The following TMEM87A variants were observed in gnomAD, a reference collection of about 807,000 sequenced individuals.
TMEM87A encodes transmembrane protein 87A.
Under a neutral mutation model 90.0 loss-of-function variants are expected in TMEM87A, and 50 were observed. That is an observed-to-expected ratio of 0.56 (90% confidence interval 0.44 to 0.70). The LOEUF (loss-of-function observed/expected upper bound fraction) is 0.70. Among genes scored for constraint, TMEM87A ranks in the 30% least tolerant of loss-of-function variants. TMEM87A has a pLI of 0.00. For synonymous variants in TMEM87A, 226 were observed against 226.7 expected (o/e 1.00, Z 0.03); for missense variants, 577 against 660.5 (o/e 0.87, Z 1.39).
intron 19 of TMEM87A, 25 bp downstream of exon 19, chr15:42,217,778 T>G: frequency 6.2e-7 from 1 of 1,610,156 alleles, no homozygotes; most frequent in South Asian, 1.1e-5. Flanking sequence ...TATACATAAT[T>G]TATGCACGTG....
intron 15 of TMEM87A, among the ~76,000 whole-genome samples, chr15:42,220,828 G>A (rs1483259967): frequency 6.6e-6 from 1 of 151,996 alleles, no homozygotes; most frequent in East Asian, 1.9e-4. Context: ...GTCTCGCTCT[G>A]TCGCCCAGGC....
intron 6 of TMEM87A, among the ~76,000 whole-genome samples, chr15:42,250,474 A>G (rs752096026): frequency 6.6e-6 from 1 of 152,160 alleles, no homozygotes; most frequent in Non-Finnish European, 1.5e-5. Flanking sequence ...GGTGACAAAA[A>G]TCTCTCAGCA....
intron 13 of TMEM87A, 84 bp downstream of exon 13, chr15:42,228,628 A>G: frequency 8.9e-7 from 1 of 1,119,726 alleles, no homozygotes; most frequent in Non-Finnish European, 1.3e-6. Flanking sequence ...AAAACTTTCT[A>G]TGTCCACCCA....
intron 4 of TMEM87A, among the ~76,000 whole-genome samples, 170 bp downstream of exon 4, chr15:42,263,920 C>A (rs1465067154): frequency 6.6e-6 from 1 of 152,168 alleles, no homozygotes; most frequent in African/African-American, 2.4e-5. Flanking sequence ...CAAAGTACAA[C>A]CTCTCTTTGA....
At position 42,218,341 on chromosome 15, in the gene TMEM87A, G is replaced by A. The variant is rs760936541; in HGVS notation, c.1577C>T (p.Pro526Leu). Residue 526 changes from proline to leucine, a missense_variant, in exon 18 of 20, where the codon CCT becomes CTT. By Grantham distance (98) the Pro-to-Leu change is moderately conservative (BLOSUM62 -3). Coordinates refer to ENST00000389834, the MANE Select transcript of TMEM87A (RefSeq NM_015497.5). ...DDLKWVEENV[P>L]SSVTDVALPA... ...AACTTACACATCTGTCACAGAAGAAGGAACATTCTCTTCTACCCACTTCAA... is the reference window on the plus strand; with the variant it reads ...AACTTACACATCTGTCACAGAAGAAAGAACATTCTCTTCTACCCACTTCAA... 1 of 1,613,754 alleles carries A rather than the reference G, an allele frequency of 6.2e-7. No individual in the cohort carries two copies. The highest frequency in any genetic ancestry group is 2.2e-5 in the East Asian group (1 of 44,808).
At chr15:42,240,177 A>G (rs996584662) in intron 7 of TMEM87A, among the ~76,000 whole-genome samples, 1 of 152,092 alleles carries the variant, frequency 6.6e-6, no homozygotes, top group Non-Finnish European at 1.5e-5. Context: ...TTTGTTTTCT[A>G]TCTTTCCTCA....
chr15:42,220,831 G>A (rs1041239208), intron 15 of TMEM87A, among the ~76,000 whole-genome samples: 3 of 151,642 alleles, frequency 2.0e-5, no homozygotes, highest in Non-Finnish European at 2.9e-5. Flanking sequence ...TCGCTCTGTC[G>A]CCCAGGCTGG....
intron 10 of TMEM87A, among the ~76,000 whole-genome samples, chr15:42,235,410 G>A (rs188790555): frequency 1.3e-5 from 2 of 152,144 alleles, no homozygotes; most frequent in Non-Finnish European, 2.9e-5. Flanking sequence ...TCTCCCCTTT[G>A]TTTCCCCTAC....
At chr15:42,227,855 C>A in intron 13 of TMEM87A, 86 bp from the exon 14 acceptor site, 1 of 1,169,266 alleles carries the variant, frequency 8.6e-7, no homozygotes, top group South Asian at 1.3e-5. Flanking sequence ...TAAGTGGAAT[C>A]CCACACACCC....
At chr15:42,262,597 T>G (rs1471199126) in intron 4 of TMEM87A, among the ~76,000 whole-genome samples, 1 of 151,916 alleles carries the variant, frequency 6.6e-6, no homozygotes, top group Non-Finnish European at 1.5e-5. Context: ...CTAATTTTTT[T>G]GTAGAGACAG....
chr15:42,239,554 C>T (rs1304754492), intron 8 of TMEM87A, 116 bp downstream of exon 8: 2 of 888,862 alleles, frequency 2.3e-6, no homozygotes, highest in African/African-American at 1.7e-5. Context: ...CTACAAGCAA[C>T]ATTTTCTGAA....
Position 42,273,341 on chromosome 15 carries a change from G to C in TMEM87A, c.58C>G (p.His20Asp), listed in dbSNP as rs1430017121. ...CTGAAAAACGACAGTGGTGACGGGT[G>C]AGCTCCCAGAAGCAGAAGAATGACA... ...LPVILLLLGA[H>D]PSPLSFFSAG... The change falls in exon 1 of 20, where the codon CAC becomes GAC. Residue 20 changes from histidine (H) to aspartate (D), a missense_variant. Physicochemically the swap from His to Asp is moderately conservative, Grantham distance 81. Coordinates refer to ENST00000389834, the MANE Select transcript of TMEM87A (RefSeq NM_015497.5). 1.9e-6 allele frequency: 3 copies of C among 1,614,032 alleles called. No individual in the cohort carries two copies. Among genetic ancestry groups the C allele is most frequent in the Non-Finnish European group, 8.5e-7 (1 of 1,180,048 alleles).
At chr15:42,232,011 A>T in intron 11 of TMEM87A, 1 of 539,380 alleles carries the variant, frequency 1.9e-6, no homozygotes, top group Non-Finnish European at 2.6e-6. Context: ...TGTGATTTGA[A>T]AAGCAAATGT....
intron 15 of TMEM87A, chr15:42,226,516 T>C (rs1400730849): frequency 2.8e-6 from 1 of 353,928 alleles, no homozygotes; most frequent in Admixed American, 4.3e-5. Flanking sequence ...TTCCATAGTA[T>C]GCCTGTGTAT....
In TMEM87A at chr15:42,239,711, G is replaced by C. The variant is rs1382860862; in HGVS notation, c.643C>G (p.Pro215Ala). The C allele has an allele frequency of 6.2e-7, 1 of 1,613,868 alleles. No individual in the cohort carries two copies. Among genetic ancestry groups the C allele is most frequent in the East Asian group, 2.2e-5 (1 of 44,858 alleles). ...TCTTCAAGTGTGAGGTATTCATAGGGACCCTTCACTTCAACAGTCACTGCC... is the reference window on the plus strand; with the variant it reads ...TCTTCAAGTGTGAGGTATTCATAGGCACCCTTCACTTCAACAGTCACTGCC... ...LFTMTVEVKG[P>A]YEYLTLEDYP... The change falls in exon 8 of 20, where the codon CCC (proline) becomes GCC (alanine). Residue 215 changes from proline to alanine, a missense_variant. Coordinates refer to ENST00000389834, the MANE Select transcript of TMEM87A (RefSeq NM_015497.5).
At chr15:42,266,255 C>T (rs2051401794) in intron 3 of TMEM87A, among the ~76,000 whole-genome samples, 1 of 152,230 alleles carries the variant, frequency 6.6e-6, no homozygotes, top group African/African-American at 2.4e-5. Flanking sequence ...ATGGCTCACG[C>T]CTGTAATCCC....
chr15:42,255,775 G>GA (rs2051167602), intron 6 of TMEM87A, among the ~76,000 whole-genome samples: 2 of 139,562 alleles, frequency 1.4e-5, no homozygotes, highest in South Asian at 4.6e-4. Context: ...ATAGATTTTT[G>GA]TTTTTTTTTT....
intron 6 of TMEM87A, among the ~76,000 whole-genome samples, chr15:42,245,809 G>A (rs1229735576): frequency 6.6e-6 from 1 of 152,092 alleles, no homozygotes; most frequent in Non-Finnish European, 1.5e-5. Flanking sequence ...TAGGATTAAG[G>A]TGTGAGCTAC....
intron 19 of TMEM87A, among the ~76,000 whole-genome samples, chr15:42,214,091 T>C (rs2140907194): frequency 6.6e-6 from 1 of 152,028 alleles, no homozygotes; most frequent in Middle Eastern, 3.4e-3. Flanking sequence ...GTATACAATC[T>C]ACCAAGACTG....
Sources: allele counts gnomAD v4.1 joint callset (sites outside exome capture counted in the v4.1 genomes callset), GRCh38; gene constraint gnomAD v4.1.1; transcripts MANE v1.5; gene names NCBI Gene and HGNC (gene_info 2026-07-23, HGNC 2026-07-21).